XKR4: variants seen among roughly 807,000 people sequenced by gnomAD.
The protein encoded by XKR4 is XK related 4.
In XKR4, 12 loss-of-function variants were observed where a neutral mutation model predicts 53.9. The observed-to-expected ratio is 0.22, with a 90% CI of 0.14 to 0.36. XKR4 has a LOEUF of 0.36. Ranked by LOEUF, XKR4 falls within the 10% of genes least tolerant of loss-of-function variation. The pLI is 1.00. For synonymous variants in XKR4, 354 were observed against 362.4 expected (o/e 0.98, Z 0.26); for missense variants, 799 against 859.5 (o/e 0.93, Z 0.88).
At chr8:55,223,674 C>G (rs1239215389) in intron 1 of XKR4, among the ~76,000 whole-genome samples, 4 of 152,140 alleles carry the variant, frequency 2.6e-5, no homozygotes, top group African/African-American at 9.7e-5. Context: ...CATCCTTAAA[C>G]AACTGCTTGA....
chr8:55,479,795 C>G (rs1806068946), intron 2 of XKR4, among the ~76,000 whole-genome samples: 1 of 152,160 alleles, frequency 6.6e-6, no homozygotes, highest in Admixed American at 6.5e-5. Context: ...ACTAGAAAAT[C>G]TGGAAGAAAT....
intron 1 of XKR4, 62 bp downstream of exon 1, chr8:55,103,356 C>G: frequency 1.3e-6 from 2 of 1,520,084 alleles, no homozygotes; most frequent in Non-Finnish European, 1.8e-6. Flanking sequence ...CACTGCTTTG[C>G]TTTTGCACGG....
chr8:55,204,045 C>G (rs768616881), intron 1 of XKR4, among the ~76,000 whole-genome samples: 1 of 152,168 alleles, frequency 6.6e-6, no homozygotes, highest in Non-Finnish European at 1.5e-5. Context: ...GGGTCTTGCT[C>G]TGTCCCCTAG....
chr8:55,161,616 C>T (rs1816987692), intron 1 of XKR4: 3 of 456,146 alleles, frequency 6.6e-6, no homozygotes, highest in Non-Finnish European at 1.3e-5. Flanking sequence ...AATAGTAGTA[C>T]CAACTTCTAA....
At chr8:55,180,624 C>G (rs1029780937) in intron 1 of XKR4, among the ~76,000 whole-genome samples, 7 of 152,188 alleles carry the variant, frequency 4.6e-5, no homozygotes, top group African/African-American at 1.7e-4. Context: ...CCTCCGCCTC[C>G]TGGTTCAAAT....
At chr8:55,454,022 T>A in intron 2 of XKR4, 1 of 894,376 alleles carries the variant, frequency 1.1e-6, no homozygotes, top group Non-Finnish European at 1.8e-6. Context: ...GCACACGACG[T>A]GCAGGCACCA....
intron 1 of XKR4, among the ~76,000 whole-genome samples, chr8:55,351,062 G>A (rs1015225317): frequency 1.3e-5 from 2 of 152,124 alleles, no homozygotes; most frequent in Non-Finnish European, 2.9e-5. Context: ...TTTCTAAGGT[G>A]AACGGACTTC....
intron 1 of XKR4, among the ~76,000 whole-genome samples, chr8:55,111,834 T>C (rs1816237030): frequency 6.6e-6 from 1 of 152,198 alleles, no homozygotes; most frequent in Admixed American, 6.5e-5. Context: ...TTGCCAGAGC[T>C]AGATTTGCTT....
intron 1 of XKR4, among the ~76,000 whole-genome samples, chr8:55,297,142 G>T (rs1269479955): frequency 2.6e-5 from 4 of 152,134 alleles, no homozygotes; most frequent in Admixed American, 6.6e-5. Context: ...CTGGAGGATT[G>T]GTGTCTACTC....
At chr8:55,491,654 G>GT (rs1554530564) in intron 2 of XKR4, among the ~76,000 whole-genome samples, 264 of 130,614 alleles carry the variant, frequency 2.0e-3, no homozygotes, top group African/African-American at 7.7e-3. Context: ...TTGTTTGTTT[G>GT]TTTTTTATTG....
chr8:55,463,206 A>G (rs958387007), intron 2 of XKR4, among the ~76,000 whole-genome samples: 3 of 152,200 alleles, frequency 2.0e-5, no homozygotes, highest in Non-Finnish European at 4.4e-5. Flanking sequence ...CTATTCCAAA[A>G]TTGACCACAT....
intron 1 of XKR4, among the ~76,000 whole-genome samples, chr8:55,338,711 A>G (rs1803500053): frequency 6.6e-6 from 1 of 152,244 alleles, no homozygotes; most frequent in South Asian, 2.1e-4. Context: ...GCCGCAATAC[A>G]GTAAAGAGAA....
intron 1 of XKR4, among the ~76,000 whole-genome samples, chr8:55,122,084 T>C (rs1365393602): frequency 1.3e-5 from 2 of 152,232 alleles, no homozygotes; most frequent in Non-Finnish European, 2.9e-5. Flanking sequence ...AGCTGAATTA[T>C]TTTTATAATT....
At chr8:55,403,369 A>G (rs1293977497) in intron 2 of XKR4, among the ~76,000 whole-genome samples, 1 of 152,234 alleles carries the variant, frequency 6.6e-6, no homozygotes, top group Non-Finnish European at 1.5e-5. Flanking sequence ...TAGCTAGGCT[A>G]CTTCTGTGAG....
chr8:55,505,379 T>C (rs1806512140), intron 2 of XKR4, among the ~76,000 whole-genome samples: 1 of 151,962 alleles, frequency 6.6e-6, no homozygotes, highest in Non-Finnish European at 1.5e-5. Flanking sequence ...TCATCTCTAC[T>C]AAATAAAATA....
At chr8:55,314,417 C>G (rs142324078) in intron 1 of XKR4, among the ~76,000 whole-genome samples, 5 of 152,214 alleles carry the variant, frequency 3.3e-5, no homozygotes, top group African/African-American at 1.2e-4. Flanking sequence ...TGAGGCCCCC[C>G]CATCGCTGGG....
In XKR4 at chr8:55,102,766, C is replaced by T. The variant is rs1429836078; in HGVS notation, c.278C>T (p.Ser93Leu). Reference sequence around the variant, plus strand: ...GGCCCGGGCGGCGGCGGGGCGGGCTCGGCTGCGCTGTGCCTGCGCCTGGGC... The same window carrying T: ...GGCCCGGGCGGCGGCGGGGCGGGCTTGGCTGCGCTGTGCCTGCGCCTGGGC... Reference protein sequence around the residue: ...VAGPGGGGAGSAALCLRLGRE... With the variant: ...VAGPGGGGAGLAALCLRLGRE... Residue 93 changes from serine to leucine, a missense_variant, in exon 1 of 3, where the codon TCG (serine) becomes TTG (leucine). By Grantham distance (145) the Ser-to-Leu change is moderately radical. Transcript: ENST00000327381. The surrounding 1 kb of genome is among the most constrained non-coding windows in gnomAD (Gnocchi z 5.1). 3 of 1,478,824 alleles carry T rather than the reference C, an allele frequency of 2.0e-6. No homozygotes were observed. The highest frequency in any genetic ancestry group is 2.7e-5 in the East Asian group (1 of 37,070). 91.6% of individuals were successfully genotyped at this position (1,478,824 alleles called of 1,614,324 possible).
chr8:55,354,230 G>A (rs1026239471), intron 1 of XKR4, among the ~76,000 whole-genome samples: 4 of 152,212 alleles, frequency 2.6e-5, no homozygotes, highest in Non-Finnish European at 4.4e-5. Flanking sequence ...CAGAGTAGGA[G>A]GAGAGATATG....
chr8:55,299,355 C>T (rs113122212), intron 1 of XKR4, among the ~76,000 whole-genome samples: 2,146 of 152,236 alleles, frequency 0.014, 38 homozygotes, highest in African/African-American at 0.044. Flanking sequence ...CGTGTGACCT[C>T]CTCACCACTT....
Sources: gnomAD v4.1 joint callset for allele counts (sites outside exome capture counted in the v4.1 genomes callset) on GRCh38, gnomAD v4.1.1 for gene constraint, Gnocchi (gnomAD v3.1) non-coding constraint, MANE v1.5 for transcripts, NCBI Gene and HGNC (gene_info 2026-07-23, HGNC 2026-07-21) for gene names.